Variants in ART4 observed in about 807,000 individuals in gnomAD.
ART4 encodes the protein ADP-ribosyltransferase 4 (inactive) (Dombrock blood group), also known as ecto-ADP-ribosyltransferase 4.
ART4 carries 14 observed loss-of-function variants against 24.2 expected under a neutral mutation model. That is an observed-to-expected ratio of 0.58 (90% CI 0.38 to 0.90). ART4 has a LOEUF of 0.90. Among genes scored for constraint, ART4 ranks in the 40% least tolerant of loss-of-function variants. ART4 has a pLI of 0.00. For missense variants in ART4, 356 were observed against 366.6 expected (o/e 0.97, Z 0.24); for synonymous variants, 145 against 139.9 (o/e 1.04, Z -0.26).
intron 1 of ART4, 121 bp downstream of exon 1, chr12:14,842,849 A>G (rs1247282528): frequency 8.1e-7 from 1 of 1,235,766 alleles, no homozygotes; most frequent in African/African-American, 1.5e-5. Context: ...ATTTGTTAAA[A>G]TGTCTGAATG....
At chr12:14,832,195 A>G (rs1261731978) in intron 2 of ART4, among the ~76,000 whole-genome samples, 2 of 152,132 alleles carry the variant, frequency 1.3e-5, no homozygotes, top group Admixed American at 6.5e-5. Flanking sequence ...AGTCCTTACA[A>G]CTGCCTTCAA....
Position 14,843,237 on chromosome 12 carries a change from G to A in ART4, c.-124C>T. The stretch of plus-strand genomic sequence containing the variant: ...AACCGTTTTTTCCCCTGTCTATGCT[G>A]AGCAACTTCTGTTGCCCACCAACAA... On this transcript the variant is annotated 5_prime_UTR_variant, in exon 1 of 3. Transcript: ENST00000228936. 1 of 1,217,848 alleles carries A rather than the reference G, an allele frequency of 8.2e-7. No homozygotes were observed. The highest frequency in any genetic ancestry group is 1.6e-5 in the South Asian group (1 of 63,710). The allele number at this position is 1,217,848 out of a possible 1,614,324, so 75.4% of individuals were successfully genotyped here.
At chr12:14,835,039 C>G (rs899994612) in intron 2 of ART4, among the ~76,000 whole-genome samples, 1 of 152,122 alleles carries the variant, frequency 6.6e-6, no homozygotes, top group Admixed American at 6.6e-5. Context: ...TTACAGTATG[C>G]TGCTGGGTAA....
chr12:14,838,234 G>A (rs1292123746), intron 2 of ART4, among the ~76,000 whole-genome samples: 2 of 152,206 alleles, frequency 1.3e-5, no homozygotes, highest in Admixed American at 1.3e-4. Flanking sequence ...ATTAATTTGG[G>A]TGGGGGTGTC....
In ART4 at chr12:14,827,442, C is replaced by G. The variant is rs552696956; in HGVS notation, c.*1929G>C. The G allele has an allele frequency of 2.4e-4, 36 of 152,552 alleles. No individual in the cohort carries two copies. Among genetic ancestry groups the G allele is most frequent in the African/African-American group, 7.7e-4 (32 of 41,556 alleles). 9.4% of individuals were successfully genotyped at this position (152,552 alleles called of 1,614,324 possible). A position where few individuals can be genotyped will look rare whatever the true frequency, so the allele number is the denominator to read the frequency against. ...TTTGAGATCGAGTCTCACTCTGTTGCCCAGGCTGGAGTGCAGTGGTGTGAA... is the reference window on the plus strand; with the variant it reads ...TTTGAGATCGAGTCTCACTCTGTTGGCCAGGCTGGAGTGCAGTGGTGTGAA... On this transcript the variant is annotated 3_prime_UTR_variant, in exon 3 of 3. Transcript: ENST00000228936.
At chr12:14,838,577 TG>T (rs1397229149) in intron 2 of ART4, among the ~76,000 whole-genome samples, 1 of 152,202 alleles carries the variant, frequency 6.6e-6, no homozygotes, top group Non-Finnish European at 1.5e-5. Context: ...CCTGTGTCTG[TG>T]GGGCAGATAC....
intron 2 of ART4, 59 bp downstream of exon 2, chr12:14,840,386 C>T (rs1950458560): frequency 7.0e-7 from 1 of 1,430,804 alleles, no homozygotes; most frequent in Non-Finnish European, 9.4e-7. Flanking sequence ...GAAAAAATAA[C>T]TTTTATAAAA....
rs3084548 is a variant in ART4, at chr12:14,830,649, G to GTATATA, written c.854-1193_854-1188dup. On this transcript the variant is annotated intron_variant, in intron 2 of 2. Coordinates refer to ENST00000228936, the MANE Select transcript of ART4 (RefSeq NM_021071.4). ...GTGTGTATGTGTGTACTGTATGTAT[G>GTATATA]TATATATATATATATATATATATAT... Among the ~76,000 whole-genome samples, 93 of 25,916 alleles carry GTATATA rather than the reference G, an allele frequency of 3.6e-3. 2 individuals carry two copies. The highest frequency in any genetic ancestry group is 0.024 in the Middle Eastern group (1 of 42). The allele number at this position is 25,916 out of a possible 152,430, so 17.0% of individuals were successfully genotyped here.
intron 2 of ART4, among the ~76,000 whole-genome samples, chr12:14,831,426 A>T (rs1265398089): frequency 6.8e-6 from 1 of 148,112 alleles, no homozygotes; most frequent in Admixed American, 6.7e-5. Context: ...ATGCCTGGCT[A>T]TTTTTTTTTT....
At chr12:14,832,857 T>C (rs1271623372) in intron 2 of ART4, among the ~76,000 whole-genome samples, 1 of 152,244 alleles carries the variant, frequency 6.6e-6, no homozygotes, top group Non-Finnish European at 1.5e-5. Flanking sequence ...ACTCTGTTGA[T>C]ACTTTTTCTC....
chr12:14,837,466 A>T (rs1267188853), intron 2 of ART4, among the ~76,000 whole-genome samples: 1 of 152,176 alleles, frequency 6.6e-6, no homozygotes, highest in Non-Finnish European at 1.5e-5. Flanking sequence ...GTAATAGCTA[A>T]CACTAATTTA....
In ART4 at chr12:14,827,422, G is replaced by A. The variant is rs1950366295; in HGVS notation, c.*1949C>T. Reference sequence around the variant, plus strand: ...ATTCTTTCTTTTTTTCTTTTTTTGAGATCGAGTCTCACTCTGTTGCCCAGG... The same window carrying A: ...ATTCTTTCTTTTTTTCTTTTTTTGAAATCGAGTCTCACTCTGTTGCCCAGG... On this transcript the variant is annotated 3_prime_UTR_variant, in exon 3 of 3. Transcript: ENST00000228936. 1 of 152,202 alleles carries A rather than the reference G, an allele frequency of 6.6e-6. No individual in the cohort carries two copies. The highest frequency in any genetic ancestry group is 6.6e-5 in the Admixed American group (1 of 15,258). The allele number at this position is 152,202 out of a possible 1,614,324, so 9.4% of individuals were successfully genotyped here. A position where few individuals can be genotyped will look rare whatever the true frequency, so the allele number is the denominator to read the frequency against.
chr12:14,840,990 G>C lies in ART4; in HGVS notation c.308C>G (p.Ala103Gly). 6.2e-7 allele frequency: 1 copy of C among 1,614,154 alleles called. No individual in the cohort carries two copies. The highest frequency in any genetic ancestry group is 8.5e-7 in the Non-Finnish European group (1 of 1,180,022). The part of the protein sequence containing the change: ...YFRMWQKAHL[A>G]WLNQGKVLPQ... Reference sequence around the variant, plus strand: ...TAGAACTTTTCCTTGGTTAAGCCAGGCTAAGTGGGCTTTTTGCCACATCCT... The same window carrying C: ...TAGAACTTTTCCTTGGTTAAGCCAGCCTAAGTGGGCTTTTTGCCACATCCT... Residue 103 changes from alanine to glycine, a missense_variant, in exon 2 of 3, where the codon GCC (alanine) becomes GGC (glycine). Physicochemically the swap from Ala to Gly is moderately conservative, Grantham distance 60 (BLOSUM62 0). Coordinates refer to ENST00000228936, the MANE Select transcript of ART4 (RefSeq NM_021071.4).
chr12:14,833,215 C>A (rs927379001), intron 2 of ART4, among the ~76,000 whole-genome samples: 5 of 152,040 alleles, frequency 3.3e-5, no homozygotes, highest in Admixed American at 3.3e-4. Context: ...TTAACACTGC[C>A]TATGAAAAGG....
intron 2 of ART4, among the ~76,000 whole-genome samples, chr12:14,839,250 C>T (rs1261971797): frequency 6.6e-6 from 1 of 152,142 alleles, no homozygotes; most frequent in East Asian, 1.9e-4. Flanking sequence ...CCCCTCCTCC[C>T]TTCCTACTCC....
intron 2 of ART4, among the ~76,000 whole-genome samples, chr12:14,835,981 C>T (rs948685940): frequency 1.3e-5 from 2 of 152,192 alleles, no homozygotes; most frequent in East Asian, 3.9e-4. Context: ...GTCCCTTTAT[C>T]CTTAGTGGAT....
intron 2 of ART4, among the ~76,000 whole-genome samples, chr12:14,838,912 T>TC (rs954046131): frequency 6.6e-6 from 1 of 151,852 alleles, no homozygotes; most frequent in Non-Finnish European, 1.5e-5. Context: ...TTTTTTTTTT[T>TC]TTCTGAATCA....
At chr12:14,837,035 A>T (rs971256672) in intron 2 of ART4, among the ~76,000 whole-genome samples, 9 of 152,274 alleles carry the variant, frequency 5.9e-5, no homozygotes, top group African/African-American at 2.2e-4. Flanking sequence ...CAATACCGAG[A>T]CAGCAGATCT....
rs1021357544 is a variant in ART4, at chr12:14,826,174, A to G, written c.*3197T>C. 11 of 152,222 alleles carry G rather than the reference A, an allele frequency of 7.2e-5. No individual in the cohort carries two copies. Among genetic ancestry groups the G allele is most frequent in the Non-Finnish European group, 1.5e-4 (10 of 68,042 alleles). 9.4% of individuals were successfully genotyped at this position (152,222 alleles called of 1,614,324 possible). On this transcript the variant is annotated 3_prime_UTR_variant, in exon 3 of 3. Transcript: ENST00000228936. ...CATGTAACTTAATCAATTTAAATCA[A>G]TACTCTACAGATTCCTTGCTCAACA... is the stretch of plus-strand genomic sequence containing the variant.
Sources: allele counts gnomAD v4.1 joint callset (sites outside exome capture counted in the v4.1 genomes callset), GRCh38; gene constraint gnomAD v4.1.1; transcripts MANE v1.5; gene names NCBI Gene and HGNC (gene_info 2026-07-23, HGNC 2026-07-21).